Variants in SHOC2 observed in about 807,000 individuals in gnomAD.
The protein encoded by SHOC2 is leucine-rich repeat protein SHOC-2.
SHOC2 carries 4 observed loss-of-function variants against 50.2 expected under a neutral mutation model. The ratio of observed to expected loss-of-function variants is 0.08; its 90% CI spans 0.04 to 0.18. The LOEUF is 0.18. Ranked by LOEUF, SHOC2 falls within the 10% of genes least tolerant of loss-of-function variation. SHOC2 has a pLI of 1.00. For missense variants in SHOC2, 388 were observed against 669.6 expected (o/e 0.58, Z 4.64); for synonymous variants, 218 against 244.5 (o/e 0.89, Z 1.01).
chr10:110,981,505 T>G (rs1211585212), intron 2 of SHOC2, among the ~76,000 whole-genome samples: 1 of 152,184 alleles, frequency 6.6e-6, no homozygotes, highest in Non-Finnish European at 1.5e-5. Flanking sequence ...TTGTTCAGCC[T>G]TTTTCTTGTG....
chr10:110,995,667 G>T (rs1848256450), intron 3 of SHOC2, among the ~76,000 whole-genome samples: 1 of 152,148 alleles, frequency 6.6e-6, no homozygotes, highest in Non-Finnish European at 1.5e-5. Flanking sequence ...GGCTCTTACT[G>T]CTGCTTCCTA....
chr10:110,965,163 C>T, intron 2 of SHOC2, 102 bp downstream of exon 2: 1 of 999,350 alleles, frequency 1.0e-6, no homozygotes, highest in Non-Finnish European at 1.5e-6. Context: ...CTAAAAACAG[C>T]TTATTTCTAA....
chr10:110,995,820 TCTTA>T (rs1232245923), intron 3 of SHOC2, among the ~76,000 whole-genome samples: 27 of 152,232 alleles, frequency 1.8e-4, no homozygotes, highest in Admixed American at 6.5e-4. Context: ...TGCCCAGACT[TCTTA>T]CTTCTACATT....
rs11195395 is a variant in SHOC2 at position 110,982,784 on chromosome 10, A to C, written c.704-2844A>C. ...GTTCCTGACATAGAAATCTCATGAG[A>C]GACATTGATTTATAGTTTTCTTTTT... On this transcript the variant is annotated intron_variant, in intron 2 of 8. Transcript: ENST00000369452. 5.5e-3 allele frequency among the ~76,000 whole-genome samples: 832 copies of C among 152,224 alleles called. 3 individuals carry two copies. Among genetic ancestry groups the C allele is most frequent in the African/African-American group, 0.016 (654 of 41,546 alleles).
chr10:110,926,082 A>G (rs1590773314), intron 1 of SHOC2, among the ~76,000 whole-genome samples: 1 of 152,128 alleles, frequency 6.6e-6, no homozygotes, highest in East Asian at 1.9e-4. Flanking sequence ...TCAGGCCTCA[A>G]TTTTGTATCC....
chr10:110,961,727 A>T (rs1348767985), intron 1 of SHOC2, among the ~76,000 whole-genome samples: 1 of 152,216 alleles, frequency 6.6e-6, no homozygotes, highest in African/African-American at 2.4e-5. Flanking sequence ...TTTCAGATAC[A>T]GTGGCTAGTA....
Position 110,964,176 on chromosome 10 carries a change from A to G in SHOC2, c.-183A>G, listed in dbSNP as rs761608447. ...AGCACTATTTTACCAGTTGGAATGA[A>G]TGATCAGAAATGGGCATAGTGCTTT... On this transcript the variant is annotated 5_prime_UTR_variant, in exon 2 of 9. It removes an upstream start codon present in the reference 5' UTR. Coordinates refer to ENST00000369452, the MANE Select transcript of SHOC2 (RefSeq NM_007373.4). The surrounding 1 kb of genome is among the most constrained non-coding windows in gnomAD (Gnocchi z 4.9). 2.5e-6 allele frequency: 2 copies of G among 784,790 alleles called. No homozygotes were observed. Among genetic ancestry groups the G allele is most frequent in the Non-Finnish European group, 3.9e-6 (2 of 506,720 alleles). 48.6% of individuals were successfully genotyped at this position (784,790 alleles called of 1,614,324 possible). A position where few individuals can be genotyped will look rare whatever the true frequency, so the allele number is the denominator to read the frequency against.
chr10:110,962,110 T>C (rs1373302237), intron 1 of SHOC2, among the ~76,000 whole-genome samples: 1 of 152,122 alleles, frequency 6.6e-6, no homozygotes, highest in African/African-American at 2.4e-5. Flanking sequence ...TTTATTTCTT[T>C]CCAAGTTTTC....
intron 3 of SHOC2, among the ~76,000 whole-genome samples, chr10:110,996,212 A>G (rs1478912591): frequency 6.6e-6 from 1 of 152,188 alleles, no homozygotes; most frequent in Non-Finnish European, 1.5e-5. Context: ...ATTTGATACA[A>G]TAGGAAATAG....
At chr10:110,951,163 ATATT>A (rs2134103841) in intron 1 of SHOC2, among the ~76,000 whole-genome samples, 1 of 152,358 alleles carries the variant, frequency 6.6e-6, no homozygotes, top group East Asian at 1.9e-4. Context: ...TATCCAAAAT[ATATT>A]TAAGAACTCA....
At chr10:110,957,852 T>C (rs997842779) in intron 1 of SHOC2, among the ~76,000 whole-genome samples, 1 of 152,232 alleles carries the variant, frequency 6.6e-6, no homozygotes, top group Admixed American at 6.5e-5. Context: ...TTCCTTTTAC[T>C]TCTTTCATCA....
chr10:110,932,900 T>C (rs1846922349), intron 1 of SHOC2, among the ~76,000 whole-genome samples: 1 of 152,204 alleles, frequency 6.6e-6, no homozygotes, highest in Non-Finnish European at 1.5e-5. Context: ...TTTATAAAAA[T>C]TTAAATGTAA....
intron 1 of SHOC2, among the ~76,000 whole-genome samples, chr10:110,938,180 A>G (rs928171358): frequency 3.3e-5 from 5 of 152,152 alleles, no homozygotes; most frequent in Admixed American, 2.0e-4. Context: ...TTTGATAGCT[A>G]GTGGGCAAGC....
At chr10:110,939,428 C>T (rs750378418) in intron 1 of SHOC2, among the ~76,000 whole-genome samples, 1 of 152,062 alleles carries the variant, frequency 6.6e-6, no homozygotes, top group Non-Finnish European at 1.5e-5. Flanking sequence ...TTATGTTGCC[C>T]AGGCTGGTCT....
At chr10:110,986,514 C>T (rs1848079665) in intron 3 of SHOC2, among the ~76,000 whole-genome samples, 1 of 152,008 alleles carries the variant, frequency 6.6e-6, no homozygotes, top group Admixed American at 6.6e-5. Flanking sequence ...CACTCTGCCT[C>T]TCAGGCTGGA....
chr10:110,958,191 G>C (rs1676945659), intron 1 of SHOC2, among the ~76,000 whole-genome samples: 1 of 151,226 alleles, frequency 6.6e-6, no homozygotes, highest in South Asian at 2.1e-4. Context: ...TCTCTTTGAG[G>C]CCTTTGTCTT....
At chr10:110,962,660 A>AT in intron 1 of SHOC2, among the ~76,000 whole-genome samples, 1 of 152,286 alleles carries the variant, frequency 6.6e-6, no homozygotes, top group South Asian at 2.1e-4. Flanking sequence ...TGCTTCAGCA[A>AT]AGTGACACAT....
Position 110,986,470 on chromosome 10 carries a change from T to C in SHOC2, c.841+705T>C, listed in dbSNP as rs1224738649. 2.6e-5 allele frequency among the ~76,000 whole-genome samples: 4 copies of C among 152,286 alleles called. No individual in the cohort carries two copies. The East Asian group carries it at 7.7e-4, about 29-fold the overall frequency. ...CAGTCATGAATATTTAGTATTTTAA[T>C]TTTTTAATTTTTATTTTTTTTGAGA... On this transcript the variant is annotated intron_variant, in intron 3 of 8. Coordinates refer to ENST00000369452, the MANE Select transcript of SHOC2 (RefSeq NM_007373.4).
At chr10:110,936,589 CTTTTT>C in intron 1 of SHOC2, 3 of 417,826 alleles carry the variant, frequency 7.2e-6, no homozygotes, top group Non-Finnish European at 1.2e-5. Flanking sequence ...TTTTCTTTTC[CTTTTT>C]TTTTTTTTTT....
Sources: allele counts gnomAD v4.1 joint callset (sites outside exome capture counted in the v4.1 genomes callset), GRCh38; gene constraint gnomAD v4.1.1; non-coding constraint Gnocchi (gnomAD v3.1); transcripts MANE v1.5; gene names NCBI Gene and HGNC (gene_info 2026-07-23, HGNC 2026-07-21).